PKNOX2: variants seen among roughly 807,000 people sequenced by gnomAD.
PKNOX2 encodes PBX/knotted 1 homeobox 2.
Under a neutral mutation model 53.1 loss-of-function variants are expected in PKNOX2, and 14 were observed. That is an observed-to-expected ratio of 0.26 (90% CI 0.17 to 0.41). The LOEUF is 0.41. Ranked by LOEUF, PKNOX2 falls within the 10% of genes least tolerant of loss-of-function variation. The pLI is 1.00. For missense variants in PKNOX2, 496 were observed against 602.8 expected, an observed-to-expected ratio of 0.82 and a Z score of 1.85; for synonymous variants, 257 against 242.8, an observed-to-expected ratio of 1.06 and a Z score of -0.54.
intron 1 of PKNOX2, among the ~76,000 whole-genome samples, chr11:125,202,508 G>A (rs1938566494): frequency 6.6e-6 from 1 of 152,232 alleles, no homozygotes. Flanking sequence ...AAGAGGTCTG[G>A]GCAGTTGGCA....
rs539264736 is a variant in PKNOX2, at chr11:125,168,833, C to T, written c.-201+4057C>T. Among the ~76,000 whole-genome samples, 21 of 152,316 alleles carry T rather than the reference C, an allele frequency of 1.4e-4. No individual in the cohort carries two copies. The East Asian group carries it at 2.9e-3, about 21-fold the overall frequency. ...AGGCTTAATAATACTGCGTTGTTAG[C>T]AATTGAATTTGTTTTTATTAAAGAA... On this transcript the variant is annotated intron_variant, in intron 1 of 12. Coordinates refer to ENST00000298282, the MANE Select transcript of PKNOX2 (RefSeq NM_001382323.2).
chr11:125,275,148 G>A (rs765877716), intron 2 of PKNOX2, among the ~76,000 whole-genome samples: 16 of 152,312 alleles, frequency 1.1e-4, no homozygotes, highest in African/African-American at 3.8e-4. Context: ...AGGTCCTGAC[G>A]AATGCTGGGA....
chr11:125,343,941 C>T (rs148286249), intron 3 of PKNOX2, among the ~76,000 whole-genome samples: 2,545 of 151,850 alleles, frequency 0.017, 87 homozygotes, highest in Admixed American at 0.079. Context: ...TGGCTGTCAG[C>T]AAAGGGCAGG....
intron 1 of PKNOX2, chr11:125,188,173 G>C (rs1348798587): frequency 6.6e-6 from 1 of 152,186 alleles, no homozygotes; most frequent in Non-Finnish European, 1.5e-5. Flanking sequence ...GTGTTCATAG[G>C]AAGTTAGGTG....
Position 125,351,409 on chromosome 11 carries a change from C to T in PKNOX2, c.87+17C>T, listed in dbSNP as rs1951310637. 1 of 1,536,332 alleles carries T rather than the reference C, an allele frequency of 6.5e-7. No individual in the cohort carries two copies. The highest frequency in any genetic ancestry group is 1.4e-5 in the African/African-American group (1 of 73,672). ...AGCCCACAGGTGAGTGCGCAGGGGC[C>T]GCTGCCTCCCACCACGGGGGAGGGA... On this transcript the variant is annotated intron_variant, in intron 4 of 12. Transcript: ENST00000298282.
intron 2 of PKNOX2, among the ~76,000 whole-genome samples, chr11:125,300,084 C>T (rs1458245320): frequency 6.6e-6 from 1 of 152,260 alleles, no homozygotes; most frequent in African/African-American, 2.4e-5. Flanking sequence ...CTGCACCTGT[C>T]TGGCCTTCGG....
chr11:125,358,393 G>C (rs1432557698), intron 4 of PKNOX2, among the ~76,000 whole-genome samples: 1 of 152,212 alleles, frequency 6.6e-6, no homozygotes, highest in African/African-American at 2.4e-5. Flanking sequence ...GAGGCCATCA[G>C]TTCCCGGGAA....
chr11:125,218,411 G>A (rs58384344), intron 1 of PKNOX2, among the ~76,000 whole-genome samples: 28 of 151,428 alleles, frequency 1.8e-4, no homozygotes, highest in Admixed American at 1.8e-3. Context: ...CAGTGATGGG[G>A]GGGGGACAGG....
intron 10 of PKNOX2, among the ~76,000 whole-genome samples, chr11:125,425,036 C>T (rs1956342223): frequency 6.6e-6 from 1 of 152,192 alleles, no homozygotes. Context: ...TACCATAATT[C>T]CCTTCTCTAG....
intron 5 of PKNOX2, among the ~76,000 whole-genome samples, chr11:125,378,198 G>T (rs555540621): frequency 2.6e-5 from 4 of 152,310 alleles, no homozygotes; most frequent in African/African-American, 9.6e-5. Context: ...CTGGAAAGGC[G>T]AACTTTTAGC....
intron 4 of PKNOX2, among the ~76,000 whole-genome samples, chr11:125,360,095 G>A (rs1232381164): frequency 2.7e-5 from 4 of 150,908 alleles, no homozygotes; most frequent in East Asian, 2.0e-4. Context: ...GCGGTGAGCC[G>A]AGATGGTGCC....
At chr11:125,242,947 A>G (rs1251201632) in intron 2 of PKNOX2, among the ~76,000 whole-genome samples, 2 of 152,218 alleles carry the variant, frequency 1.3e-5, no homozygotes, top group African/African-American at 4.8e-5. Flanking sequence ...TTTTGGTGTC[A>G]GACAGACTTG....
At chr11:125,292,774 G>A (rs984280204) in intron 2 of PKNOX2, among the ~76,000 whole-genome samples, 9 of 152,152 alleles carry the variant, frequency 5.9e-5, no homozygotes, top group African/African-American at 1.7e-4. Flanking sequence ...CCCTCAGACC[G>A]TGTCCACATT....
At chr11:125,363,170 T>C (rs919178489) in intron 4 of PKNOX2, among the ~76,000 whole-genome samples, 27 of 152,128 alleles carry the variant, frequency 1.8e-4, no homozygotes, top group African/African-American at 5.6e-4. Flanking sequence ...AGAACCCGCT[T>C]CAGCCTCTCA....
At chr11:125,294,214 C>A (rs2135925375) in intron 2 of PKNOX2, among the ~76,000 whole-genome samples, 1 of 152,296 alleles carries the variant, frequency 6.6e-6, no homozygotes, top group East Asian at 1.9e-4. Context: ...TTTTGATATT[C>A]CTGTTAAGGA....
At chr11:125,203,168 A>G (rs1306608716) in intron 1 of PKNOX2, among the ~76,000 whole-genome samples, 1 of 152,200 alleles carries the variant, frequency 6.6e-6, no homozygotes, top group African/African-American at 2.4e-5. Context: ...GACAGGCTGG[A>G]GTGCAGTCAG....
At chr11:125,197,711 G>A (rs544718568) in intron 1 of PKNOX2, among the ~76,000 whole-genome samples, 1 of 152,324 alleles carries the variant, frequency 6.6e-6, no homozygotes, top group East Asian at 1.9e-4. Flanking sequence ...GGCCACCGTA[G>A]GGGTTAGCTG....
In PKNOX2 at chr11:125,178,682, G is replaced by GAA. The variant is rs1565462532; in HGVS notation, c.-201+13907_-201+13908insAA. ...GGAAGGAAGGAAGGAAAGAAAGAGA[G>GAA]AGAGAGAGAGAGAGAGAAAGAAAGA... On this transcript the variant is annotated intron_variant, in intron 1 of 12. Transcript: ENST00000298282. Among the ~76,000 whole-genome samples the GAA allele has an allele frequency of 4.4e-4, 59 of 133,410 alleles. 1 individual carries two copies. Among genetic ancestry groups the GAA allele is most frequent in the African/African-American group, 1.8e-3 (51 of 27,772 alleles). 87.5% of individuals were successfully genotyped at this position (133,410 alleles called of 152,430 possible). A position where few individuals can be genotyped will look rare whatever the true frequency, so the allele number is the denominator to read the frequency against.
chr11:125,358,280 A>C (rs1951730530), intron 4 of PKNOX2, among the ~76,000 whole-genome samples: 1 of 152,236 alleles, frequency 6.6e-6, no homozygotes, highest in African/African-American at 2.4e-5. Flanking sequence ...ATGTGCACAC[A>C]CAGGGATTCT....
Sources: allele counts gnomAD v4.1 joint callset (sites outside exome capture counted in the v4.1 genomes callset), GRCh38; gene constraint gnomAD v4.1.1; transcripts MANE v1.5; gene names NCBI Gene and HGNC (gene_info 2026-07-23, HGNC 2026-07-21).